Variants in CAMKK2 observed in about 807,000 individuals in gnomAD.
The protein encoded by CAMKK2 is calcium/calmodulin-dependent protein kinase kinase 2.
CAMKK2 carries 30 observed loss-of-function variants against 67.2 expected under a neutral mutation model. That is an observed-to-expected ratio of 0.45 (90% CI 0.33 to 0.61). The LOEUF (loss-of-function observed/expected upper bound fraction) is 0.61. Among genes scored for constraint, CAMKK2 ranks in the 20% least tolerant of loss-of-function variants. CAMKK2 has a pLI of 0.02. For missense variants in CAMKK2, 643 were observed against 802.0 expected (o/e 0.80, Z 2.39); for synonymous variants, 322 against 326.2 (o/e 0.99, Z 0.14).
At chr12:121,259,191 G>C (rs1409659601) in intron 7 of CAMKK2, among the ~76,000 whole-genome samples, 1 of 152,116 alleles carries the variant, frequency 6.6e-6, no homozygotes, top group Non-Finnish European at 1.5e-5. Context: ...GGTCCCTGCT[G>C]TTCTGCCCAA....
Position 121,255,382 on chromosome 12 carries a change from T to TTATATA in CAMKK2, c.907+162_907+167dup, listed in dbSNP as rs10669483. On this transcript the variant is annotated intron_variant, in intron 9 of 16. Coordinates refer to ENST00000404169, the MANE Select transcript of CAMKK2 (RefSeq NM_001270485.2). ...TATATATAATTTTATATATATAATTTTATATATATATATGTATCTCCTATT... is the reference window on the plus strand; with the variant it reads ...TATATATAATTTTATATATATAATTTTATATATATATATATATATGTATCTCCTATT... 6.2e-4 allele frequency among the ~76,000 whole-genome samples: 19 copies of TTATATA among 30,690 alleles called. 3 individuals carry two copies. Among genetic ancestry groups the TTATATA allele is most frequent in the South Asian group, 4.8e-3 (7 of 1,468 alleles). 20.1% of individuals were successfully genotyped at this position (30,690 alleles called of 152,430 possible).
intron 8 of CAMKK2, 45 bp from the exon 9 acceptor site, chr12:121,255,683 C>T (rs1414452491): frequency 1.2e-6 from 2 of 1,608,224 alleles, no homozygotes; most frequent in South Asian, 1.1e-5. Flanking sequence ...GACCCGCCAG[C>T]CCTTGCCCTC....
At chr12:121,291,063 AC>A (rs35020273) in intron 1 of CAMKK2, among the ~76,000 whole-genome samples, 6,245 of 152,192 alleles carry the variant, frequency 0.041, 162 homozygotes, top group Middle Eastern at 0.095. Context: ...TAAGTGATCC[AC>A]CCGCCTTGGC....
At position 121,249,776 on chromosome 12, in the gene CAMKK2, G is replaced by A. The variant is rs146286678; in HGVS notation, c.1323+11C>T. Reference sequence around the variant, plus strand: ...ATTCCGAGCACGGGGCACAGGCTGAGCCAAGGGTACCTTGATTTCCGGCAC... The same window carrying A: ...ATTCCGAGCACGGGGCACAGGCTGAACCAAGGGTACCTTGATTTCCGGCAC... On this transcript the variant is annotated intron_variant, in intron 13 of 16. Coordinates refer to ENST00000404169, the MANE Select transcript of CAMKK2 (RefSeq NM_001270485.2). 9.7e-4 allele frequency: 1,571 copies of A among 1,612,928 alleles called. 19 individuals carry two copies. The South Asian group carries it at 0.013, about 13-fold the overall frequency.
intron 1 of CAMKK2, among the ~76,000 whole-genome samples, chr12:121,291,099 C>A (rs560201785): frequency 8.2e-4 from 125 of 152,330 alleles, no homozygotes; most frequent in Non-Finnish European, 1.5e-3. Context: ...GGATTACAGG[C>A]GTAAGCCACT....
intron 9 of CAMKK2, among the ~76,000 whole-genome samples, chr12:121,255,264 T>A (rs58485522): frequency 0.013 from 105 of 8,240 alleles, 2 homozygotes; most frequent in Non-Finnish European, 0.02. Flanking sequence ...ATATATAATT[T>A]TATATATATA....
At chr12:121,271,028 C>T in intron 2 of CAMKK2, 83 bp from the exon 3 acceptor site, 1 of 1,088,180 alleles carries the variant, frequency 9.2e-7, no homozygotes, top group Non-Finnish European at 1.4e-6. Flanking sequence ...ACCTACAAGC[C>T]CTTCAGGAGA....
intron 1 of CAMKK2, among the ~76,000 whole-genome samples, chr12:121,283,814 C>CTAAA (rs111580860): frequency 0.065 from 9,823 of 151,566 alleles, 420 homozygotes; most frequent in South Asian, 0.18. Context: ...GATCCTTTCG[C>CTAAA]TAAATAAATA....
At chr12:121,270,138 G>A (rs946944867) in intron 3 of CAMKK2, among the ~76,000 whole-genome samples, 4 of 152,072 alleles carry the variant, frequency 2.6e-5, no homozygotes, top group African/African-American at 9.7e-5. Flanking sequence ...TTGGGAGGCC[G>A]AGGCGGGCAG....
chr12:121,245,128 G>T lies in CAMKK2; in HGVS notation c.1553+12C>A. ...ACCACTCCCCCACCCAAGAAGGCAG[G>T]CGGCCACTCACGTGAGCAAGTTTCC... On this transcript the variant is annotated intron_variant, in intron 15 of 16. Coordinates refer to ENST00000404169, the MANE Select transcript of CAMKK2 (RefSeq NM_001270485.2). The surrounding 1 kb of genome is among the most constrained non-coding windows in gnomAD (Gnocchi z 5.8). 6 of 1,571,690 alleles carry T rather than the reference G, an allele frequency of 3.8e-6. No homozygotes were observed. Among genetic ancestry groups the T allele is most frequent in the Non-Finnish European group, 5.2e-6 (6 of 1,153,770 alleles).
Position 121,274,281 on chromosome 12 carries a change from G to A in CAMKK2, c.246C>T (p.Pro82=), listed in dbSNP as rs1045374704. 2.5e-6 allele frequency: 4 copies of A among 1,612,200 alleles called. No homozygotes were observed. Among genetic ancestry groups the A allele is most frequent in the African/African-American group, 2.7e-5 (2 of 74,900 alleles). ...GGGCCTGGGACCCGGAGGTGTCAAGGGGGACCTCTTGGCCATCGGCCTCCA... is the reference window on the plus strand; with the variant it reads ...GGGCCTGGGACCCGGAGGTGTCAAGAGGGACCTCTTGGCCATCGGCCTCCA... ...RPLEADGQEV[P]LDTSGSQARP... Residue 82 remains proline, a synonymous_variant, in exon 2 of 17, where the codon CCC becomes CCT. Transcript: ENST00000404169.
intron 6 of CAMKK2, 54 bp from the exon 7 acceptor site, chr12:121,260,409 G>A (rs141194676): frequency 1.3e-6 from 2 of 1,551,434 alleles, no homozygotes; most frequent in Non-Finnish European, 1.8e-6. Flanking sequence ...GAGAAAAAGA[G>A]AGAATAGATA....
chr12:121,283,638 C>A (rs1396355451), intron 1 of CAMKK2, among the ~76,000 whole-genome samples: 1 of 152,014 alleles, frequency 6.6e-6, no homozygotes, highest in Non-Finnish European at 1.5e-5. Context: ...CATAGTGAGA[C>A]CCCATCTCTA....
rs11065503 is a variant in CAMKK2 at position 121,239,907 on chromosome 12, C to T, written c.*792G>A. 3,999 of 155,448 alleles carry T rather than the reference C, an allele frequency of 0.026. 184 individuals carry two copies. The highest frequency in any genetic ancestry group is 0.091 in the African/African-American group (3,776 of 41,538). 9.6% of individuals were successfully genotyped at this position (155,448 alleles called of 1,614,324 possible). On this transcript the variant is annotated 3_prime_UTR_variant, in exon 17 of 17. Transcript: ENST00000404169. ...GCATAGGATTTCACCCTGAAGTTTT[C>T]GTAATTTGACAAAGAGATTTACCAG...
intron 1 of CAMKK2, among the ~76,000 whole-genome samples, chr12:121,284,546 AACTTCTG>A (rs1221507007): frequency 6.6e-6 from 1 of 152,102 alleles, no homozygotes; most frequent in Non-Finnish European, 1.5e-5. Context: ...GCTGGTCTCG[AACTTCTG>A]ACTTCAAGTG....
intron 1 of CAMKK2, among the ~76,000 whole-genome samples, chr12:121,289,915 G>A (rs559937905): frequency 4.6e-4 from 62 of 133,414 alleles, no homozygotes; most frequent in Admixed American, 4.1e-3. Flanking sequence ...AAAAAAAGGC[G>A]GGGCGGGGAG....
chr12:121,250,058 T>C, intron 11 of CAMKK2, 24 bp from the exon 12 acceptor site: 1 of 1,586,956 alleles, frequency 6.3e-7, no homozygotes, highest in Non-Finnish European at 8.6e-7. Context: ...AGGGACAGAG[T>C]GGCAGTCAAT....
In CAMKK2 at chr12:121,255,622, G is replaced by A. The variant is rs1370401604; in HGVS notation, c.835C>T (p.Pro279Ser). ...LVNQGPVMEV[P>S]TLKPLSEDQA... is the part of the protein sequence containing the mutation. ...TCTTCAGAGAGTGGTTTGAGGGTGG[G>A]CACTTCCATCACGGGCCTGAAAGGT... Residue 279 changes from proline to serine, a missense_variant, in exon 9 of 17, where the codon CCC becomes TCC. Transcript: ENST00000404169. 4 of 1,612,676 alleles carry A rather than the reference G, an allele frequency of 2.5e-6. No individual in the cohort carries two copies. Among genetic ancestry groups the A allele is most frequent in the East Asian group, 2.2e-5 (1 of 44,806 alleles).
chr12:121,287,940 C>T (rs1899094443), intron 1 of CAMKK2, among the ~76,000 whole-genome samples: 1 of 152,088 alleles, frequency 6.6e-6, no homozygotes, highest in Admixed American at 6.6e-5. Context: ...CCATTGCATT[C>T]CAGCCTGTGC....
Sources: gnomAD v4.1 joint callset for allele counts (sites outside exome capture counted in the v4.1 genomes callset) on GRCh38, gnomAD v4.1.1 for gene constraint, Gnocchi (gnomAD v3.1) non-coding constraint, MANE v1.5 for transcripts, NCBI Gene and HGNC (gene_info 2026-07-23, HGNC 2026-07-21) for gene names.